Variants in ASB13 observed in about 807,000 individuals in gnomAD.
ASB13 encodes ankyrin repeat and SOCS box containing 13.
Under a neutral mutation model 28.8 loss-of-function variants are expected in ASB13, and 33 were observed. That is an observed-to-expected ratio of 1.15 (90% CI 0.87 to 1.53). The LOEUF (loss-of-function observed/expected upper bound fraction) is 1.53, where lower values mean the gene tolerates loss of function less well. ASB13 is among the 40% of genes most tolerant of loss of function. The pLI is 0.00. For missense variants in ASB13, 414 were observed against 390.1 expected (o/e 1.06, Z -0.52); for synonymous variants, 182 against 172.9 (o/e 1.05, Z -0.41).
rs1480419810 is a variant in ASB13 at position 5,641,897 on chromosome 10, A to C, written c.582T>G (p.Asn194Lys). The change falls in exon 5 of 6, where the codon AAT becomes AAG. Residue 194 changes from asparagine to lysine, a missense_variant. Physicochemically the swap from Asn to Lys is moderately conservative, Grantham distance 94 (BLOSUM62 0). Transcript: ENST00000357700. The surrounding 1 kb of genome is among the most constrained non-coding windows in gnomAD (Gnocchi z 8.4). ...CGATAAGCATCTCGATGAGGTCAAC[A>C]TTCTTGACCTTGGCCGCGTGGTGAA... is the stretch of plus-strand genomic sequence containing the variant. ...TALHHAAKVK[N>K]VDLIEMLIEF... The C allele has an allele frequency of 1.2e-6, 2 of 1,613,900 alleles. No individual in the cohort carries two copies. Among genetic ancestry groups the C allele is most frequent in the African/African-American group, 2.7e-5 (2 of 74,924 alleles).
At position 5,649,076 on chromosome 10, in the gene ASB13, A is replaced by T. The variant is rs1183071138; in HGVS notation, c.411T>A (p.Ile137=). Residue 137 remains isoleucine, a synonymous_variant, in exon 4 of 6, where the codon ATT becomes ATA. Coordinates refer to ENST00000357700, the MANE Select transcript of ASB13 (RefSeq NM_024701.4). This position sits in a 1 kb window ranked among gnomAD's most constrained non-coding sequence, Gnocchi z 6.4. The stretch of plus-strand genomic sequence containing the variant: ...GCGCTTCCAGATTGGCCCCGACGTC[A>T]ATAAGAAGCCTCACACATTCGGAAC... The part of the protein sequence containing the change: ...SGSSECVRLL[I]DVGANLEAHD... The T allele has an allele frequency of 6.2e-7, 1 of 1,614,244 alleles. No individual in the cohort carries two copies. Among genetic ancestry groups the T allele is most frequent in the South Asian group, 1.1e-5 (1 of 91,090 alleles).
In ASB13 at chr10:5,650,875, T is replaced by A; in HGVS notation, c.382+338A>T. On this transcript the variant is annotated intron_variant, in intron 3 of 5. Transcript: ENST00000357700. This position sits in a 1 kb window ranked among gnomAD's most constrained non-coding sequence, Gnocchi z 6.0. ...GTTTCTCTGTCGTCTCCCATCTCAA[T>A]CAGGGGCCTGCAGAGCAAACTGTAG... Among the ~76,000 whole-genome samples the A allele has an allele frequency of 6.6e-6, 1 of 152,146 alleles. No homozygotes were observed. The highest frequency in any genetic ancestry group is 1.9e-4 in the East Asian group (1 of 5,186).
Position 5,639,017 on chromosome 10 carries a change from G to A in ASB13, c.*1686C>T, listed in dbSNP as rs935999904. ...GGCAGAACCCAGTGCTTTTTTTAAT[G>A]GTTGTTATTCCATGCAGAAACACTG... is the stretch of plus-strand genomic sequence containing the variant. On this transcript the variant is annotated 3_prime_UTR_variant, in exon 6 of 6. Transcript: ENST00000357700. 2 of 152,710 alleles carry A rather than the reference G, an allele frequency of 1.3e-5. No homozygotes were observed. Among genetic ancestry groups the A allele is most frequent in the South Asian group, 4.1e-4 (2 of 4,828 alleles). The allele number at this position is 152,710 out of a possible 1,614,324, so 9.5% of individuals were successfully genotyped here. A position where few individuals can be genotyped will look rare whatever the true frequency, so the allele number is the denominator to read the frequency against.
At position 5,655,109 on chromosome 10, in the gene ASB13, A is replaced by C. The variant is rs1200655022; in HGVS notation, c.44-2059T>G. Among the ~76,000 whole-genome samples, 3 of 152,100 alleles carry C rather than the reference A, an allele frequency of 2.0e-5. No individual in the cohort carries two copies. The highest frequency in any genetic ancestry group is 1.9e-4 in the East Asian group (1 of 5,192). Reference sequence around the variant, plus strand: ...AAGAGTGAAACTCTGTCTTTAAAAAAAAAAAAAAAGTGTCTGCATCGAATT... The same window carrying C: ...AAGAGTGAAACTCTGTCTTTAAAAACAAAAAAAAAGTGTCTGCATCGAATT... On this transcript the variant is annotated intron_variant, in intron 1 of 5. Transcript: ENST00000357700. This position sits in a 1 kb window ranked among gnomAD's most constrained non-coding sequence, Gnocchi z 6.2.
In ASB13 at chr10:5,644,550, G is replaced by A. The variant is rs766627451; in HGVS notation, c.518-2589C>T. Among the ~76,000 whole-genome samples the A allele has an allele frequency of 6.6e-6, 1 of 152,016 alleles. No individual in the cohort carries two copies. Among genetic ancestry groups the A allele is most frequent in the Non-Finnish European group, 1.5e-5 (1 of 68,006 alleles). On this transcript the variant is annotated intron_variant, in intron 4 of 5. Coordinates refer to ENST00000357700, the MANE Select transcript of ASB13 (RefSeq NM_024701.4). The surrounding 1 kb of genome is among the most constrained non-coding windows in gnomAD (Gnocchi z 5.1). ...GAGGAAAACAGGGCCAGACACGGTG[G>A]CTCATGCCTGTAATCCCAGCACTTT...
chr10:5,664,676 A>C lies in ASB13; in HGVS notation c.43+1833T>G, dbSNP rs72772154. Among the ~76,000 whole-genome samples, 8,835 of 152,050 alleles carry C rather than the reference A, an allele frequency of 0.058. 312 individuals are homozygous for C. Among genetic ancestry groups the C allele is most frequent in the Middle Eastern group, 0.078 (23 of 294 alleles). ...GAATGCAGAATTTCTTTATTTCTTT[A>C]TTTATTTATTTTATTTATTTTTGAG... On this transcript the variant is annotated intron_variant, in intron 1 of 5. Coordinates refer to ENST00000357700, the MANE Select transcript of ASB13 (RefSeq NM_024701.4). The surrounding 1 kb of genome is among the most constrained non-coding windows in gnomAD (Gnocchi z 4.2).
rs776278496 is a variant in ASB13, at chr10:5,641,348, C to T, written c.709+422G>A. On this transcript the variant is annotated intron_variant, in intron 5 of 5. Coordinates refer to ENST00000357700, the MANE Select transcript of ASB13 (RefSeq NM_024701.4). This position sits in a 1 kb window ranked among gnomAD's most constrained non-coding sequence, Gnocchi z 8.4. The stretch of plus-strand genomic sequence containing the variant: ...AACTCCTGACCTCAGGTGATCTGCC[C>T]GCCTCAGCCTCCCAAAGTGCTGTGA... Among the ~76,000 whole-genome samples, 5 of 152,144 alleles carry T rather than the reference C, an allele frequency of 3.3e-5. No homozygotes were observed. The highest frequency in any genetic ancestry group is 1.3e-4 in the Admixed American group (2 of 15,278).
chr10:5,645,497 G>T lies in ASB13; in HGVS notation c.517+3473C>A, dbSNP rs538138875. ...CCTCCTCCTTTGCAAATACAATCTG[G>T]TTCCTGGACTCGCCTCACTGCCTAC... On this transcript the variant is annotated intron_variant, in intron 4 of 5. Coordinates refer to ENST00000357700, the MANE Select transcript of ASB13 (RefSeq NM_024701.4). The surrounding 1 kb of genome is among the most constrained non-coding windows in gnomAD (Gnocchi z 5.4). Among the ~76,000 whole-genome samples the T allele has an allele frequency of 2.6e-5, 4 of 152,136 alleles. No individual in the cohort carries two copies. The highest frequency in any genetic ancestry group is 3.9e-4 in the East Asian group (2 of 5,172).
At chr10:5,648,325 C>A (rs1274297061) in intron 4 of ASB13, among the ~76,000 whole-genome samples, 15 of 112,544 alleles carry the variant, frequency 1.3e-4, no homozygotes, top group Middle Eastern at 7.1e-3. Flanking sequence ...GCAAACACCC[C>A]CTCGGGTAAA....
intron 1 of ASB13, among the ~76,000 whole-genome samples, chr10:5,657,507 C>T (rs1835090891): frequency 6.6e-6 from 1 of 151,728 alleles, no homozygotes; most frequent in South Asian, 2.1e-4. Flanking sequence ...TTAGGATTAT[C>T]AAAAAAAACC....
At chr10:5,657,202 A>C (rs1401443238) in intron 1 of ASB13, among the ~76,000 whole-genome samples, 1 of 152,228 alleles carries the variant, frequency 6.6e-6, no homozygotes, top group African/African-American at 2.4e-5. Context: ...AAGAAAAAAG[A>C]AACTTCCGTG....
rs1367199772 is a variant in ASB13, at chr10:5,658,066, G to A, written c.44-5016C>T. ...GCCAGCTACTCAGAGGCTGAGGCAC[G>A]AGAATCGCATGAACCCAGGAGACAG... On this transcript the variant is annotated intron_variant, in intron 1 of 5. Coordinates refer to ENST00000357700, the MANE Select transcript of ASB13 (RefSeq NM_024701.4). The surrounding 1 kb of genome is among the most constrained non-coding windows in gnomAD (Gnocchi z 4.2). Among the ~76,000 whole-genome samples, 3 of 152,164 alleles carry A rather than the reference G, an allele frequency of 2.0e-5. No homozygotes were observed. The highest frequency in any genetic ancestry group is 4.4e-5 in the Non-Finnish European group (3 of 68,040).
chr10:5,656,059 C>T lies in ASB13; in HGVS notation c.44-3009G>A, dbSNP rs758041822. Among the ~76,000 whole-genome samples, 3 of 152,170 alleles carry T rather than the reference C, an allele frequency of 2.0e-5. No homozygotes were observed. The highest frequency in any genetic ancestry group is 2.9e-5 in the Non-Finnish European group (2 of 68,044). ...GGTGACAGGGACTCAGAATTAAGAG[C>T]CCCGGTGCCCAGGGATGGCCAGGGA... On this transcript the variant is annotated intron_variant, in intron 1 of 5. Transcript: ENST00000357700. This position sits in a 1 kb window ranked among gnomAD's most constrained non-coding sequence, Gnocchi z 4.3.
rs911206653 is a variant in ASB13, at chr10:5,650,316, C to T, written c.382+897G>A. Among the ~76,000 whole-genome samples the T allele has an allele frequency of 1.3e-5, 2 of 152,220 alleles. No individual in the cohort carries two copies. Among genetic ancestry groups the T allele is most frequent in the Non-Finnish European group, 2.9e-5 (2 of 68,046 alleles). On this transcript the variant is annotated intron_variant, in intron 3 of 5. Transcript: ENST00000357700. The surrounding 1 kb of genome is among the most constrained non-coding windows in gnomAD (Gnocchi z 6.0). The stretch of plus-strand genomic sequence containing the variant: ...TGCACATGGAGGACCACTAAATGAA[C>T]CTTCCCCAAATTCTGTTTTCCTGAC...
rs1401983418 is a variant in ASB13 at position 5,656,244 on chromosome 10, C to A, written c.44-3194G>T. ...AATGAATGGAAGGAGTTACTAAAAC[C>A]AATTATAAAGTCTGACTGGTCAAGG... On this transcript the variant is annotated intron_variant, in intron 1 of 5. Transcript: ENST00000357700. The surrounding 1 kb of genome is among the most constrained non-coding windows in gnomAD (Gnocchi z 4.3). Among the ~76,000 whole-genome samples, 1 of 152,104 alleles carries A rather than the reference C, an allele frequency of 6.6e-6. No homozygotes were observed. Among genetic ancestry groups the A allele is most frequent in the African/African-American group, 2.4e-5 (1 of 41,422 alleles).
In ASB13 at chr10:5,649,209, CA is replaced by C. The variant is rs1489917211; in HGVS notation, c.383-106del. The C allele has an allele frequency of 6.7e-7, 1 of 1,501,012 alleles. No individual in the cohort carries two copies. Among genetic ancestry groups the C allele is most frequent in the Non-Finnish European group, 9.1e-7 (1 of 1,103,180 alleles). 93.0% of individuals were successfully genotyped at this position (1,501,012 alleles called of 1,614,324 possible). The stretch of plus-strand genomic sequence containing the variant: ...AGCAGCCTCCATCCTTGGTGCAGGG[CA>C]GGGAAGCCAGGCAGGCCTGCGTCCC... On this transcript the variant is annotated intron_variant, in intron 3 of 5. Coordinates refer to ENST00000357700, the MANE Select transcript of ASB13 (RefSeq NM_024701.4). The surrounding 1 kb of genome is among the most constrained non-coding windows in gnomAD (Gnocchi z 6.4).
In ASB13 at chr10:5,642,655, T is replaced by TG. The variant is rs1325913045; in HGVS notation, c.518-695_518-694insC. 2.3e-6 allele frequency: 1 copy of TG among 444,390 alleles called. No individual in the cohort carries two copies. Among genetic ancestry groups the TG allele is most frequent in the Non-Finnish European group, 3.7e-6 (1 of 268,110 alleles). The allele number at this position is 444,390 out of a possible 1,614,324, so 27.5% of individuals were successfully genotyped here. A position where few individuals can be genotyped will look rare whatever the true frequency, so the allele number is the denominator to read the frequency against. On this transcript the variant is annotated intron_variant, in intron 4 of 5. Coordinates refer to ENST00000357700, the MANE Select transcript of ASB13 (RefSeq NM_024701.4). The surrounding 1 kb of genome is among the most constrained non-coding windows in gnomAD (Gnocchi z 4.1). The stretch of plus-strand genomic sequence containing the variant: ...TAGCTAAATATGGCTGGTTTTGGGT[T>TG]TTTTTTTTTGAGACAGAGTCTCACT...
In ASB13 at chr10:5,652,952, C is replaced by A. The variant is rs781109308; in HGVS notation, c.142G>T (p.Val48Phe). Residue 48 changes from valine to phenylalanine, a missense_variant, in exon 2 of 6, where the codon GTC becomes TTC. Transcript: ENST00000357700. The surrounding 1 kb of genome is among the most constrained non-coding windows in gnomAD (Gnocchi z 5.0). ...LIESGACVNQVTVDSITPLHA... is the reference protein window; with the variant it reads ...LIESGACVNQFTVDSITPLHA... ...AGGGGCGTGATGGAGTCCACGGTGACCTGGTTCACGCAGGCGCCGCTCTCG... is the reference window on the plus strand; with the variant it reads ...AGGGGCGTGATGGAGTCCACGGTGAACTGGTTCACGCAGGCGCCGCTCTCG... 2 of 1,577,552 alleles carry A rather than the reference C, an allele frequency of 1.3e-6. No homozygotes were observed. The highest frequency in any genetic ancestry group is 1.7e-6 in the Non-Finnish European group (2 of 1,161,918).
rs1196309511 is a variant in ASB13, at chr10:5,650,036, C to T, written c.383-932G>A. On this transcript the variant is annotated intron_variant, in intron 3 of 5. Coordinates refer to ENST00000357700, the MANE Select transcript of ASB13 (RefSeq NM_024701.4). The surrounding 1 kb of genome is among the most constrained non-coding windows in gnomAD (Gnocchi z 6.0). ...AGCCCCAGAGCCATGTGCTGGCCACCGGCCGGTGTCTCCCACTCTAGAGCC... is the reference window on the plus strand; with the variant it reads ...AGCCCCAGAGCCATGTGCTGGCCACTGGCCGGTGTCTCCCACTCTAGAGCC... Among the ~76,000 whole-genome samples the T allele has an allele frequency of 6.6e-5, 10 of 152,210 alleles. No homozygotes were observed. The highest frequency in any genetic ancestry group is 2.2e-4 in the African/African-American group (9 of 41,460).
Sources: gnomAD v4.1 joint callset for allele counts (sites outside exome capture counted in the v4.1 genomes callset) on GRCh38, gnomAD v4.1.1 for gene constraint, Gnocchi (gnomAD v3.1) non-coding constraint, MANE v1.5 for transcripts, NCBI Gene and HGNC (gene_info 2026-07-23, HGNC 2026-07-21) for gene names.